TRAPPC8: variants seen among roughly 807,000 people sequenced by gnomAD.
The protein encoded by TRAPPC8 is trafficking protein particle complex subunit 8, also known as general sporulation gene 1 homolog.
A neutral mutation model predicts 174.3 loss-of-function variants in TRAPPC8; 54 were observed. The observed-to-expected ratio is 0.31, with a 90% CI of 0.25 to 0.39. The LOEUF is 0.39. Among genes scored for constraint, TRAPPC8 ranks in the 10% least tolerant of loss-of-function variants. TRAPPC8 has a pLI of 1.00. For missense variants in TRAPPC8, 1,531 were observed against 1,699.1 expected (o/e 0.90, Z 1.74); for synonymous variants, 630 against 579.9 (o/e 1.09, Z -1.24).
chr18:31,897,345 T>A (rs764665759), intron 11 of TRAPPC8, among the ~76,000 whole-genome samples: 1 of 152,236 alleles, frequency 6.6e-6, no homozygotes, highest in African/African-American at 2.4e-5. Flanking sequence ...AAAAAGTTCA[T>A]GCTAGTTGAA....
At position 31,831,583 on chromosome 18, in the gene TRAPPC8, CAT is replaced by C. The variant is rs1380781324; in HGVS notation, c.4073+499_4073+500del. 2.0e-5 allele frequency among the ~76,000 whole-genome samples: 3 copies of C among 152,044 alleles called. No individual in the cohort carries two copies. The East Asian group carries it at 5.8e-4, about 29-fold the overall frequency. On this transcript the variant is annotated intron_variant, in intron 28 of 28. Coordinates refer to ENST00000283351, the MANE Select transcript of TRAPPC8 (RefSeq NM_014939.5). Reference sequence around the variant, plus strand: ...CTAAACTTTTAACTCCTTAGTTAGCCATATATAAGTGTCTGTACATGAATGCT... The same window carrying C: ...CTAAACTTTTAACTCCTTAGTTAGCCATATAAGTGTCTGTACATGAATGCT...
intron 5 of TRAPPC8, among the ~76,000 whole-genome samples, chr18:31,912,062 T>A (rs17742105): frequency 6.6e-6 from 1 of 151,598 alleles, no homozygotes; most frequent in African/African-American, 2.4e-5. Flanking sequence ...GAACTCGAGG[T>A]TAAGAAAGGA....
At chr18:31,892,506 T>C (rs2035997784) in intron 11 of TRAPPC8, among the ~76,000 whole-genome samples, 1 of 152,170 alleles carries the variant, frequency 6.6e-6, no homozygotes, top group African/African-American at 2.4e-5. Flanking sequence ...ATTTGATAAC[T>C]ATCCTTATAG....
intron 9 of TRAPPC8, among the ~76,000 whole-genome samples, chr18:31,903,107 C>CGCGT (rs201250224): frequency 0.2 from 27,768 of 137,366 alleles, 2,893 homozygotes; most frequent in Middle Eastern, 0.25. Context: ...TTTGATTGCG[C>CGCGT]GCGTGCGTGC....
chr18:31,887,682 G>A (rs1171887139), intron 12 of TRAPPC8, among the ~76,000 whole-genome samples: 4 of 150,072 alleles, frequency 2.7e-5, no homozygotes, highest in Non-Finnish European at 5.9e-5. Context: ...AGCCATTTAC[G>A]ACAAACCCAC....
intron 24 of TRAPPC8, 123 bp downstream of exon 24, chr18:31,852,323 C>G: frequency 2.9e-6 from 3 of 1,047,818 alleles, no homozygotes; most frequent in Non-Finnish European, 2.8e-6. Context: ...GGAGACAGAG[C>G]AAGACCTTGT....
chr18:31,884,081 C>G (rs1440260075), intron 12 of TRAPPC8, among the ~76,000 whole-genome samples: 5 of 151,926 alleles, frequency 3.3e-5, no homozygotes, highest in Admixed American at 6.6e-5. Context: ...CCCAGCTACT[C>G]GAGAGGCTGA....
intron 2 of TRAPPC8, among the ~76,000 whole-genome samples, chr18:31,924,416 T>C (rs151194449): frequency 9.9e-4 from 146 of 148,152 alleles, no homozygotes; most frequent in African/African-American, 3.3e-3. Context: ...ATCGCGCTAG[T>C]GCACTCCAGC....
At chr18:31,879,982 A>T (rs1335971996) in intron 12 of TRAPPC8, among the ~76,000 whole-genome samples, 3 of 142,498 alleles carry the variant, frequency 2.1e-5, no homozygotes, top group African/African-American at 5.2e-5. Flanking sequence ...AAAAAAAAAA[A>T]TAAATAAACA....
intron 2 of TRAPPC8, among the ~76,000 whole-genome samples, chr18:31,925,122 T>C (rs541753440): frequency 1.8e-4 from 27 of 152,132 alleles, no homozygotes; most frequent in Non-Finnish European, 4.0e-4. Context: ...AGCTTTCTTA[T>C]ACTCAGTCAG....
At chr18:31,854,634 T>C (rs1359028113) in intron 21 of TRAPPC8, among the ~76,000 whole-genome samples, 2 of 151,738 alleles carry the variant, frequency 1.3e-5, no homozygotes, top group Admixed American at 6.6e-5. Context: ...ATGCTAAGAG[T>C]CCTATTTCAA....
chr18:31,905,105 A>G (rs149517211), intron 9 of TRAPPC8, among the ~76,000 whole-genome samples: 21 of 152,024 alleles, frequency 1.4e-4, no homozygotes, highest in African/African-American at 5.1e-4. Flanking sequence ...TGTAGTTACT[A>G]TGACTAAATA....
chr18:31,852,652 C>T lies in TRAPPC8; in HGVS notation c.3445G>A (p.Ala1149Thr). 1 of 1,613,768 alleles carries T rather than the reference C, an allele frequency of 6.2e-7. No homozygotes were observed. Among genetic ancestry groups the T allele is most frequent in the South Asian group, 1.1e-5 (1 of 91,058 alleles). The change falls in exon 23 of 29, where the codon GCC becomes ACC. Residue 1149 changes from alanine to threonine, a missense_variant. By Grantham distance (58) the Ala-to-Thr change is moderately conservative. Coordinates refer to ENST00000283351, the MANE Select transcript of TRAPPC8 (RefSeq NM_014939.5). ...NLSENKDTKL[A>T]SREKGKFCFK... ...CAAAACTTTCCCTTCTCCCTACTGG[C>T]AAGTTTGGTATCTAGGAAGAAAAAG...
intron 2 of TRAPPC8, among the ~76,000 whole-genome samples, chr18:31,922,729 G>C (rs949875672): frequency 6.6e-6 from 1 of 150,428 alleles, no homozygotes; most frequent in African/African-American, 2.4e-5. Context: ...TCCTACTAAA[G>C]TTTTCTGGCC....
intron 1 of TRAPPC8, among the ~76,000 whole-genome samples, chr18:31,934,103 A>G (rs1171461391): frequency 6.6e-6 from 1 of 151,968 alleles, no homozygotes; most frequent in African/African-American, 2.4e-5. Context: ...CAAGAGAATC[A>G]CTTGAAACCA....
intron 15 of TRAPPC8, 87 bp downstream of exon 15, chr18:31,870,839 C>G (rs2034820464): frequency 1.6e-6 from 2 of 1,221,176 alleles, no homozygotes; most frequent in Non-Finnish European, 2.2e-6. Context: ...TCCCCAGCAC[C>G]AATTATGTGT....
intron 2 of TRAPPC8, among the ~76,000 whole-genome samples, chr18:31,928,305 CCTG>C (rs1466652499): frequency 3.3e-5 from 5 of 151,310 alleles, no homozygotes; most frequent in Admixed American, 2.6e-4. Context: ...TCAACACCAG[CCTG>C]CTAATAAACA....
chr18:31,839,513 A>G, intron 26 of TRAPPC8, 56 bp from the exon 27 acceptor site: 1 of 1,498,798 alleles, frequency 6.7e-7, no homozygotes, highest in South Asian at 1.3e-5. Flanking sequence ...GTTTAAAAAA[A>G]AAAAAAGCAT....
chr18:31,890,661 A>G, intron 12 of TRAPPC8, 74 bp downstream of exon 12: 1 of 1,511,220 alleles, frequency 6.6e-7, no homozygotes, highest in Non-Finnish European at 8.9e-7. Flanking sequence ...TCCTTTTTAA[A>G]TAATAAAAAT....
Sources: gnomAD v4.1 joint callset for allele counts (sites outside exome capture counted in the v4.1 genomes callset) on GRCh38, gnomAD v4.1.1 for gene constraint, MANE v1.5 for transcripts, NCBI Gene and HGNC (gene_info 2026-07-23, HGNC 2026-07-21) for gene names.